The following JAKMIP3 variants were observed in gnomAD, a reference collection of about 807,000 sequenced individuals.
The protein encoded by JAKMIP3 is janus kinase and microtubule-interacting protein 3.
In JAKMIP3, 58 loss-of-function variants were observed where a neutral mutation model predicts 118.5. The ratio of observed to expected loss-of-function variants is 0.49; its 90% confidence interval spans 0.40 to 0.61. The LOEUF is 0.61. Among genes scored for constraint, JAKMIP3 ranks in the 20% least tolerant of loss-of-function variants. The probability of loss-of-function intolerance (pLI) is 0.00; values close to 1 mark genes in which losing one functional copy is unlikely to be tolerated. For missense variants in JAKMIP3, 950 were observed against 1,109.0 expected (o/e 0.86, Z 2.04); for synonymous variants, 486 against 451.2 (o/e 1.08, Z -0.98).
intron 1 of JAKMIP3, among the ~76,000 whole-genome samples, chr10:132,069,846 C>A (rs976154727): frequency 6.6e-6 from 1 of 152,176 alleles, no homozygotes; most frequent in African/African-American, 2.4e-5. Context: ...GCTGCTTATC[C>A]ATTCCACCAA....
At chr10:132,135,002 T>TG (rs750390646) in intron 4 of JAKMIP3, 39 bp from the exon 5 acceptor site, 2 of 1,604,196 alleles carry the variant, frequency 1.2e-6, no homozygotes, top group Non-Finnish European at 1.7e-6. Context: ...CCCAGGCTTG[T>TG]GGGTAGGAAC....
Position 132,049,306 on chromosome 10 carries a change from C to G in JAKMIP3, c.-138+12568C>G, listed in dbSNP as rs2038032365. ...ACGGCTTTGCTTCCCTTCCTTAGGG[C>G]TGGGAGTGCTGCCCTCCTCCTCACC... is the stretch of plus-strand genomic sequence containing the variant. On this transcript the variant is annotated intron_variant, in intron 1 of 23. Coordinates refer to the JAKMIP3 transcript ENST00000657785. This position sits in a 1 kb window ranked among gnomAD's most constrained non-coding sequence, Gnocchi z 4.3. Among the ~76,000 whole-genome samples, 1 of 152,164 alleles carries G rather than the reference C, an allele frequency of 6.6e-6. No individual in the cohort carries two copies. The highest frequency in any genetic ancestry group is 2.1e-4 in the South Asian group (1 of 4,824).
At chr10:132,048,283 T>C (rs9419325) in intron 1 of JAKMIP3, among the ~76,000 whole-genome samples, 93,326 of 152,050 alleles carry the variant, frequency 0.61, 29,435 homozygotes, top group East Asian at 0.99. Context: ...TTTGAGACTG[T>C]GCAGGGCCTG....
At chr10:132,109,018 TA>T (rs1249065705) in intron 2 of JAKMIP3, among the ~76,000 whole-genome samples, 2 of 129,160 alleles carry the variant, frequency 1.5e-5, no homozygotes, top group African/African-American at 6.2e-5. Context: ...TGTATATATG[TA>T]TACAAATTAT....
At chr10:132,177,676 CTG>C (rs1392412414) in intron 23 of JAKMIP3, among the ~76,000 whole-genome samples, 10 of 146,236 alleles carry the variant, frequency 6.8e-5, no homozygotes, top group South Asian at 2.2e-4. Flanking sequence ...TGTGTCCACA[CTG>C]TGCATTTGGC....
chr10:132,120,785 G>A (rs1026769270), intron 3 of JAKMIP3, among the ~76,000 whole-genome samples: 2 of 152,188 alleles, frequency 1.3e-5, no homozygotes, highest in African/African-American at 4.8e-5. Context: ...CTCTTTTAAG[G>A]CCGTCATTTA....
At chr10:132,081,678 T>G (rs574620635) in intron 1 of JAKMIP3, among the ~76,000 whole-genome samples, 278 of 152,230 alleles carry the variant, frequency 1.8e-3, no homozygotes, top group Non-Finnish European at 3.3e-3. Context: ...TGTTCTTTTA[T>G]GTACAGCACA....
intron 19 of JAKMIP3, 33 bp downstream of exon 19, chr10:132,154,023 A>T: frequency 6.2e-7 from 1 of 1,603,878 alleles, no homozygotes; most frequent in Non-Finnish European, 8.5e-7. Context: ...AACCCCGGGG[A>T]GGGGCACTGG....
In JAKMIP3 at chr10:132,183,708, C is replaced by A. The variant is rs917418892; in HGVS notation, c.*2455C>A. On this transcript the variant is annotated 3_prime_UTR_variant, in exon 24 of 24. Coordinates refer to ENST00000684848, the MANE Select transcript of JAKMIP3 (RefSeq NM_001323087.2). The stretch of plus-strand genomic sequence containing the variant: ...ATCTAGTTGGAGCGTCAGTTCCTCT[C>A]CTTAGATATCATTGTTTTCACTCGT... 1 of 152,166 alleles carries A rather than the reference C, an allele frequency of 6.6e-6. No homozygotes were observed. The highest frequency in any genetic ancestry group is 2.4e-5 in the African/African-American group (1 of 41,424). 9.4% of individuals were successfully genotyped at this position (152,166 alleles called of 1,614,324 possible).
At chr10:132,129,605 G>A (rs12251720) in intron 3 of JAKMIP3, among the ~76,000 whole-genome samples, 1,595 of 152,296 alleles carry the variant, frequency 0.01, 24 homozygotes, top group African/African-American at 0.037. Context: ...TTGCAAGAAC[G>A]CCCTCAGGGA....
intron 1 of JAKMIP3, among the ~76,000 whole-genome samples, chr10:132,041,907 C>A (rs1443956639): frequency 6.6e-6 from 1 of 151,548 alleles, no homozygotes; most frequent in African/African-American, 2.4e-5. Flanking sequence ...GCTCTTGTTG[C>A]CCAGGCTGGA....
At position 132,118,373 on chromosome 10, in the gene JAKMIP3, T is replaced by G. The variant is rs1285470385; in HGVS notation, c.633+799T>G. The stretch of plus-strand genomic sequence containing the variant: ...CTTTGGAGAGGAGACTGTCCTGTGA[T>G]TTTGGGGGAAATGGAGCTCTGTCTT... On this transcript the variant is annotated intron_variant, in intron 3 of 23. Coordinates refer to ENST00000684848, the MANE Select transcript of JAKMIP3 (RefSeq NM_001323087.2). The surrounding 1 kb of genome is among the most constrained non-coding windows in gnomAD (Gnocchi z 4.8). 2.0e-5 allele frequency among the ~76,000 whole-genome samples: 3 copies of G among 152,220 alleles called. No individual in the cohort carries two copies. In the East Asian group the frequency reaches 5.8e-4, roughly 29 times the overall value.
At position 132,153,954 on chromosome 10, in the gene JAKMIP3, G is replaced by A. The variant is rs767222598; in HGVS notation, c.2184G>A (p.Leu728=). Residue 728 remains leucine, a synonymous_variant, in exon 19 of 24, where the codon CTG becomes CTA. Coordinates refer to ENST00000684848, the MANE Select transcript of JAKMIP3 (RefSeq NM_001323087.2). ...AGAAGGGCTACCTGGACGAGGAGCT[G>A]GACTACCGGAAACAGGCCTTGGACC... ...SKQKGYLDEE[L]DYRKQALDQA... 1 of 1,613,106 alleles carries A rather than the reference G, an allele frequency of 6.2e-7. No individual in the cohort carries two copies. The highest frequency in any genetic ancestry group is 8.5e-7 in the Non-Finnish European group (1 of 1,179,876).
In JAKMIP3 at chr10:132,181,722, CAAA is replaced by C. The variant is rs1022782240; in HGVS notation, c.*1104-632_*1104-630del. Among the ~76,000 whole-genome samples, 64 of 152,174 alleles carry C rather than the reference CAAA, an allele frequency of 4.2e-4. 1 individual carries two copies. The highest frequency in any genetic ancestry group is 6.2e-4 in the South Asian group (3 of 4,828). ...TTCTTACTTAGAAGTTAGGTTAAAT[CAAA>C]AACCAAAAAGCTCTTCAGACCTCTC... is the stretch of plus-strand genomic sequence containing the variant. On this transcript the variant is annotated intron_variant, in intron 23 of 23. Coordinates refer to ENST00000684848, the MANE Select transcript of JAKMIP3 (RefSeq NM_001323087.2).
chr10:132,089,214 C>T (rs1035547868), intron 1 of JAKMIP3, among the ~76,000 whole-genome samples: 1 of 152,100 alleles, frequency 6.6e-6, no homozygotes, highest in African/African-American at 2.4e-5. Context: ...TCCATATGAA[C>T]TCTAAAGTAG....
At position 132,048,662 on chromosome 10, in the gene JAKMIP3, C is replaced by CTTTTTT. The variant is rs1366816957; in HGVS notation, c.-138+11928_-138+11929insTTTTTT. Among the ~76,000 whole-genome samples, 41 of 99,302 alleles carry CTTTTTT rather than the reference C, an allele frequency of 4.1e-4. 1 individual carries two copies. Among genetic ancestry groups the CTTTTTT allele is most frequent in the Admixed American group, 1.2e-3 (10 of 8,444 alleles). 65.1% of individuals were successfully genotyped at this position (99,302 alleles called of 152,430 possible). ...TCAGAAATTCCAGGCTTGACTGTTT[C>CTTTTTT]TTTTCTTTTTTTTTTTTTTTGAGAT... is the stretch of plus-strand genomic sequence containing the variant. On this transcript the variant is annotated intron_variant, in intron 1 of 23. Transcript: ENST00000657785.
Position 132,147,951 on chromosome 10 carries a change from G to C in JAKMIP3, c.1750-1G>C, listed in dbSNP as rs758132236. ...CACCTCATGCATCTTTTATGTTGCA[G>C]ATCAAACAAATGGAGACGGAAGAGG... On this transcript the variant is annotated splice_acceptor_variant, in intron 13 of 23. Coordinates refer to ENST00000684848, the MANE Select transcript of JAKMIP3 (RefSeq NM_001323087.2). LOFTEE classifies it high-confidence loss of function. 6.2e-7 allele frequency: 1 copy of C among 1,600,266 alleles called. No individual in the cohort carries two copies. Among genetic ancestry groups the C allele is most frequent in the Non-Finnish European group, 8.5e-7 (1 of 1,172,392 alleles).
intron 13 of JAKMIP3, among the ~76,000 whole-genome samples, chr10:132,145,847 G>A (rs527497981): frequency 5.6e-4 from 86 of 152,290 alleles, no homozygotes; most frequent in Non-Finnish European, 9.4e-4. Context: ...ATCTCCATTC[G>A]TGTCCCGTTG....
chr10:132,055,270 C>T (rs1188316665), intron 1 of JAKMIP3, among the ~76,000 whole-genome samples: 2 of 151,978 alleles, frequency 1.3e-5, no homozygotes, highest in Non-Finnish European at 2.9e-5. Context: ...ACAAATAAAC[C>T]CCAGAAAGAC....
Sources: gnomAD v4.1 joint callset for allele counts (sites outside exome capture counted in the v4.1 genomes callset) on GRCh38, gnomAD v4.1.1 for gene constraint, Gnocchi (gnomAD v3.1) non-coding constraint, MANE v1.5 for transcripts, NCBI Gene and HGNC (gene_info 2026-07-23, HGNC 2026-07-21) for gene names.